The following EOLA2 variants were observed in gnomAD, a reference collection of about 807,000 sequenced individuals.
EOLA2 encodes the protein endothelium and lymphocyte associated ASCH domain 2.
Under a neutral mutation model 4.1 loss-of-function variants are expected in EOLA2, and 3 were observed. That is an observed-to-expected ratio of 0.73 (90% confidence interval 0.33 to 1.89). EOLA2 has a LOEUF of 1.89. Ranked by LOEUF, EOLA2 falls within the 40% of genes most tolerant of loss-of-function variation. The pLI, the probability that EOLA2 is intolerant of heterozygous loss-of-function variation, is 0.08. For synonymous variants in EOLA2, 52 were observed against 51.7 expected (o/e 1.01, Z -0.03); for missense variants, 109 against 126.4 (o/e 0.86, Z 0.66).
At chrX:149,930,363 T>G (rs1404403810), downstream of EOLA2, among the ~76,000 whole-genome samples, 38 of 112,097 alleles carry the variant, frequency 3.4e-4, 1 homozygote, top group African/African-American at 1.2e-3. Flanking sequence ...ACCTGCATAT[T>G]ACCTCTACGG....
At chrX:149,934,835 G>A (rs1177208922) in intron 2 of EOLA2, among the ~76,000 whole-genome samples, 8 of 112,388 alleles carry the variant, frequency 7.1e-5, no homozygotes, top group African/African-American at 2.6e-4. Flanking sequence ...CCTCTTGCAC[G>A]GAGGACAGCC....
At position 149,933,785 on chromosome X, in the gene EOLA2, C is replaced by G; in HGVS notation, c.90G>C (p.Leu30=). 8.3e-7 allele frequency: 1 copy of G among 1,198,459 alleles called. No individual in the cohort carries two copies. The highest frequency in any genetic ancestry group is 1.1e-6 in the Non-Finnish European group (1 of 886,858). Reference sequence around the variant, plus strand: ...TGGTACAGTTCCGCTGGCTGCTCAGCAGAGGACGCCAGCGCGTCTCCACAG... The same window carrying G: ...TGGTACAGTTCCGCTGGCTGCTCAGGAGAGGACGCCAGCGCGTCTCCACAG... ...IKTVETRWRP[L]LSSQRNCTIA... The change falls in exon 4 of 5, where the codon CTG becomes CTC. Residue 30 remains leucine, a synonymous_variant. Transcript: ENST00000370406.
chrX:149,931,562 T>C (rs1226850016), downstream of EOLA2, among the ~76,000 whole-genome samples: 2 of 96,882 alleles, frequency 2.1e-5, no homozygotes, highest in African/African-American at 3.8e-5. Context: ...AAACAGGAGA[T>C]TGTTTCCTCA....
rs1221306055 is a variant in EOLA2 at position 149,938,271 on chromosome X, CAG to C, written c.-291_-290del. 8.9e-6 allele frequency: 1 copy of C among 112,913 alleles called. No homozygotes were observed. Among genetic ancestry groups the C allele is most frequent in the African/African-American group, 3.2e-5 (1 of 31,109 alleles). 9.3% of individuals were successfully genotyped at this position (112,913 alleles called of 1,213,427 possible). Reference sequence around the variant, plus strand: ...CAGGGCCGACTCTGGCTTTTGGCCTCAGAGTACAGTCCTCCGCCTCCTCGCGA... The same window carrying C: ...CAGGGCCGACTCTGGCTTTTGGCCTCAGTACAGTCCTCCGCCTCCTCGCGA... On this transcript the variant is annotated 5_prime_UTR_variant, in exon 1 of 5. Transcript: ENST00000370406.
At position 149,938,371 on chromosome X, in the gene EOLA2, G is replaced by A. The variant is rs1424896391; in HGVS notation, c.-389C>T. The A allele has an allele frequency of 5.3e-5, 6 of 112,917 alleles. No homozygotes were observed. Among genetic ancestry groups the A allele is most frequent in the African/African-American group, 1.9e-4 (6 of 31,097 alleles). The allele number at this position is 112,917 out of a possible 1,213,427, so 9.3% of individuals were successfully genotyped here. A position where few individuals can be genotyped will look rare whatever the true frequency, so the allele number is the denominator to read the frequency against. ...AAGAGAGAGCACCCGGCTCGTGTCA[G>A]GGCTGTAAGGTAGCTGCCGCTTACT... On this transcript the variant is annotated 5_prime_UTR_variant, in exon 1 of 5. Coordinates refer to ENST00000370406, the MANE Select transcript of EOLA2 (RefSeq NM_001013845.2).
intron 4 of EOLA2, among the ~76,000 whole-genome samples, chrX:149,933,394 CAG>C (rs1491547759): frequency 1.8e-5 from 2 of 111,085 alleles, no homozygotes; most frequent in African/African-American, 6.6e-5. Flanking sequence ...AGATCAGAAA[CAG>C]AACTGCGGCC....
chrX:149,937,915 G>A (rs189372136), intron 1 of EOLA2, among the ~76,000 whole-genome samples: 38 of 112,861 alleles, frequency 3.4e-4, no homozygotes, highest in African/African-American at 1.2e-3. Flanking sequence ...TGGGGTCCAG[G>A]CGAGCTTACA....
chrX:149,932,624 G>A lies in EOLA2; in HGVS notation c.397C>T (p.Pro133Ser). 4.1e-6 allele frequency: 5 copies of A among 1,206,542 alleles called. No individual in the cohort carries two copies. The highest frequency in any genetic ancestry group is 3.0e-5 in the East Asian group (1 of 33,628). ...VISNPRWLLE[P>S]IPRKGGKDVF... ...TCCTTGCCTCCTTTCCTAGGTATGG[G>A]CTCCAGTAACCACCTGGGGTTTGAA... Residue 133 changes from proline to serine, a missense_variant, in exon 5 of 5, where the codon CCC becomes TCC. Transcript: ENST00000370406.
chrX:149,934,935 G>A (rs1395996746), intron 2 of EOLA2, among the ~76,000 whole-genome samples: 1 of 112,253 alleles, frequency 8.9e-6, no homozygotes, highest in African/African-American at 3.2e-5. Context: ...ATGGCTGTGA[G>A]GAAGGGAGAT....
At chrX:149,931,560 G>T (rs1343713527), downstream of EOLA2, among the ~76,000 whole-genome samples, 4 of 97,192 alleles carry the variant, frequency 4.1e-5, no homozygotes, top group Admixed American at 3.5e-4. Context: ...TCAAACAGGA[G>T]ATTGTTTCCT....
intron 2 of EOLA2, among the ~76,000 whole-genome samples, chrX:149,935,954 C>A (rs1332239309): frequency 9.5e-6 from 1 of 105,607 alleles, no homozygotes; most frequent in Admixed American, 1.0e-4. Context: ...CAATCCCAAT[C>A]CAATCCCCTA....
Position 149,934,124 on chromosome X carries a change from T to C in EOLA2, c.-149A>G, listed in dbSNP as rs1271878419. 1 of 1,053,203 alleles carries C rather than the reference T, an allele frequency of 9.5e-7. No homozygotes were observed. The highest frequency in any genetic ancestry group is 2.0e-5 in the African/African-American group (1 of 49,300). The allele number at this position is 1,053,203 out of a possible 1,213,427, so 86.8% of individuals were successfully genotyped here. A position where few individuals can be genotyped will look rare whatever the true frequency, so the allele number is the denominator to read the frequency against. ...ATGGAGTCTTTGGGGCGGTCCGGAG[T>C]AGGGCGGGGACAGCTAGAGGAAGGC... On this transcript the variant is annotated 5_prime_UTR_variant, in exon 3 of 5. Coordinates refer to ENST00000370406, the MANE Select transcript of EOLA2 (RefSeq NM_001013845.2).
intron 4 of EOLA2, among the ~76,000 whole-genome samples, 163 bp downstream of exon 4, chrX:149,933,459 C>T (rs1184144309): frequency 5.4e-5 from 6 of 110,350 alleles, no homozygotes; most frequent in African/African-American, 2.0e-4. Context: ...ATACCAACCC[C>T]CAGCCCAAGG....
intron 4 of EOLA2, among the ~76,000 whole-genome samples, chrX:149,933,059 G>T (rs192580187): frequency 3.2e-4 from 34 of 107,851 alleles, no homozygotes; most frequent in African/African-American, 1.1e-3. Flanking sequence ...TGAGAGCAGC[G>T]GTTGCAGATT....
chrX:149,930,059 C>T (rs1557374040), downstream of EOLA2: 3 of 1,159,123 alleles, frequency 2.6e-6, no homozygotes, highest in South Asian at 1.9e-5. Flanking sequence ...GAGTTTCATT[C>T]GCCAGCTGAA....
downstream of EOLA2, chrX:149,930,005 C>T: frequency 8.7e-7 from 1 of 1,146,920 alleles, no homozygotes. Flanking sequence ...GGAGGTTCTT[C>T]AACGGAAAGG....
chrX:149,936,886 T>G (rs2091010694), intron 2 of EOLA2, among the ~76,000 whole-genome samples: 1 of 105,445 alleles, frequency 9.5e-6, no homozygotes, highest in South Asian at 4.3e-4. Flanking sequence ...ATCCCATTGT[T>G]GGTCGTCTCA....
At chrX:149,930,790 C>T (rs1557374153), downstream of EOLA2, 1 of 481,494 alleles carries the variant, frequency 2.1e-6, no homozygotes. Context: ...AGCAGGGAGC[C>T]CCCAGTGTTC....
intron 2 of EOLA2, chrX:149,934,503 GCCACCTTCCTCAAGCCCCTTCCC>G (rs1197741488): frequency 1.3e-6 from 1 of 751,533 alleles, no homozygotes; most frequent in Non-Finnish European, 1.6e-6. Context: ...CCCTCTGGGT[GCCACCTTCCTCAAGCCCCTTCCC>G]CCACCACTGC....
Sources: allele counts gnomAD v4.1 joint callset (sites outside exome capture counted in the v4.1 genomes callset), GRCh38; gene constraint gnomAD v4.1.1; transcripts MANE v1.5; gene names NCBI Gene and HGNC (gene_info 2026-07-23, HGNC 2026-07-21).